Variants in CA12 observed in about 807,000 individuals in gnomAD.
The protein encoded by CA12 is carbonate dehydratase XII.
CA12 carries 36 observed loss-of-function variants against 46.8 expected under a neutral mutation model. The observed-to-expected ratio is 0.77, with a 90% confidence interval of 0.59 to 1.02. The LOEUF is 1.02. Ranked by LOEUF, CA12 falls within the 50% of genes least tolerant of loss-of-function variation. The probability of loss-of-function intolerance (pLI) is 0.00; values close to 1 mark genes in which losing one functional copy is unlikely to be tolerated. For synonymous variants in CA12, 202 were observed against 187.0 expected (o/e 1.08, Z -0.65); for missense variants, 436 against 451.4 (o/e 0.97, Z 0.31).
In CA12 at chr15:63,345,975, A is replaced by G. The variant is rs2152618108; in HGVS notation, c.287-356T>C. On this transcript the variant is annotated intron_variant, in intron 3 of 10. Transcript: ENST00000178638. The surrounding 1 kb of genome is among the most constrained non-coding windows in gnomAD (Gnocchi z 4.3). Reference sequence around the variant, plus strand: ...TACCTTCCAAGCTTTAGAATTATATAGCAACAGCAACGATAACTGCTATTT... The same window carrying G: ...TACCTTCCAAGCTTTAGAATTATATGGCAACAGCAACGATAACTGCTATTT... Among the ~76,000 whole-genome samples, 1 of 152,362 alleles carries G rather than the reference A, an allele frequency of 6.6e-6. No homozygotes were observed. The highest frequency in any genetic ancestry group is 3.4e-3 in the Middle Eastern group (1 of 294).
rs188682950 is a variant in CA12 at position 63,348,771 on chromosome 15, T to A, written c.107-2062A>T. On this transcript the variant is annotated intron_variant, in intron 2 of 10. Coordinates refer to ENST00000178638, the MANE Select transcript of CA12 (RefSeq NM_001218.5). This position sits in a 1 kb window ranked among gnomAD's most constrained non-coding sequence, Gnocchi z 4.6. ...TAGCTAAACGAGAGCCTCGTGAAGATAGGGACCCCTCATCTTCGTCTCTGT... is the reference window on the plus strand; with the variant it reads ...TAGCTAAACGAGAGCCTCGTGAAGAAAGGGACCCCTCATCTTCGTCTCTGT... Among the ~76,000 whole-genome samples the A allele has an allele frequency of 2.0e-5, 3 of 152,236 alleles. No individual in the cohort carries two copies. Among genetic ancestry groups the A allele is most frequent in the Non-Finnish European group, 4.4e-5 (3 of 68,042 alleles).
rs148743820 is a variant in CA12 at position 63,359,738 on chromosome 15, A to G, written c.107-13029T>C. ...GATTGAATCCTGGATCAGAAAAAAA[A>G]TGCTATCAAGGATAGTATGAAGTTT... On this transcript the variant is annotated intron_variant, in intron 2 of 10. Transcript: ENST00000178638. Among the ~76,000 whole-genome samples, 4 of 152,306 alleles carry G rather than the reference A, an allele frequency of 2.6e-5. No individual in the cohort carries two copies. The East Asian group carries it at 7.7e-4, about 29-fold the overall frequency.
intron 2 of CA12, among the ~76,000 whole-genome samples, chr15:63,349,554 T>C (rs1165987889): frequency 6.6e-6 from 1 of 152,144 alleles, no homozygotes; most frequent in Non-Finnish European, 1.5e-5. Flanking sequence ...TGTTATTATA[T>C]TGTAGTAGCT....
rs373216656 is a variant in CA12 at position 63,323,739 on chromosome 15, T to G, written c.*2546A>C. On this transcript the variant is annotated 3_prime_UTR_variant, in exon 11 of 11. Transcript: ENST00000178638. This position sits in a 1 kb window ranked among gnomAD's most constrained non-coding sequence, Gnocchi z 5.1. ...GAGGCTAGTGAAGAGGAGAGGAATG[T>G]AGGGTGAATTTGAAATGTGATTAAT... 6.6e-6 allele frequency: 1 copy of G among 152,444 alleles called. No individual in the cohort carries two copies. Among genetic ancestry groups the G allele is most frequent in the Non-Finnish European group, 1.5e-5 (1 of 68,028 alleles). 9.4% of individuals were successfully genotyped at this position (152,444 alleles called of 1,614,324 possible).
chr15:63,334,786 C>G (rs1015397384), intron 8 of CA12, among the ~76,000 whole-genome samples: 2 of 152,178 alleles, frequency 1.3e-5, no homozygotes, highest in Non-Finnish European at 1.5e-5. Context: ...GTGCACAGTT[C>G]TCTCTCACGC....
At chr15:63,335,301 T>A (rs537629422) in intron 8 of CA12, among the ~76,000 whole-genome samples, 1 of 152,254 alleles carries the variant, frequency 6.6e-6, no homozygotes, top group Admixed American at 6.5e-5. Flanking sequence ...ATAAACCTCT[T>A]AAGGACAGAA....
At chr15:63,351,216 C>T (rs1205903778) in intron 2 of CA12, among the ~76,000 whole-genome samples, 2 of 152,230 alleles carry the variant, frequency 1.3e-5, no homozygotes, top group African/African-American at 2.4e-5. Context: ...CATCTCAGAG[C>T]CAGCTTGGTC....
intron 2 of CA12, among the ~76,000 whole-genome samples, chr15:63,358,132 T>C (rs2039316276): frequency 6.6e-6 from 1 of 152,272 alleles, no homozygotes; most frequent in African/African-American, 2.4e-5. Context: ...GTTAAATTGC[T>C]ATGGATTCTC....
intron 2 of CA12, among the ~76,000 whole-genome samples, chr15:63,367,657 T>C (rs141254454): frequency 2.0e-5 from 3 of 152,306 alleles, no homozygotes; most frequent in African/African-American, 7.2e-5. Flanking sequence ...TAGTCACGAG[T>C]TAATAATTGC....
At position 63,363,916 on chromosome 15, in the gene CA12, G is replaced by T. The variant is rs747483258; in HGVS notation, c.106+11742C>A. Reference sequence around the variant, plus strand: ...AAGAGTGGGAGACTTGGCCGGATGCGGTGGCTCACGCCTGTAATCCTGGCA... The same window carrying T: ...AAGAGTGGGAGACTTGGCCGGATGCTGTGGCTCACGCCTGTAATCCTGGCA... On this transcript the variant is annotated intron_variant, in intron 2 of 10. Coordinates refer to ENST00000178638, the MANE Select transcript of CA12 (RefSeq NM_001218.5). 1.3e-5 allele frequency among the ~76,000 whole-genome samples: 2 copies of T among 152,206 alleles called. 1 individual carries two copies. The highest frequency in any genetic ancestry group is 4.1e-4 in the South Asian group (2 of 4,828).
rs1360026377 is a variant in CA12, at chr15:63,331,262, G to C, written c.875-3132C>G. On this transcript the variant is annotated intron_variant, in intron 8 of 10. Transcript: ENST00000178638. This position sits in a 1 kb window ranked among gnomAD's most constrained non-coding sequence, Gnocchi z 5.3. The stretch of plus-strand genomic sequence containing the variant: ...AACTGTCAGGGCAACCAGAGAACTA[G>C]AACCTGAGTGCGAAGCCAAAGCCTG... Among the ~76,000 whole-genome samples the C allele has an allele frequency of 6.6e-6, 1 of 152,226 alleles. No individual in the cohort carries two copies. The highest frequency in any genetic ancestry group is 1.5e-5 in the Non-Finnish European group (1 of 68,040).
chr15:63,376,557 C>CCTTTCTTTCTTTCTTTCTTGCTTTCTTT (rs2039574616), intron 1 of CA12, among the ~76,000 whole-genome samples: 3 of 104,526 alleles, frequency 2.9e-5, no homozygotes, highest in Non-Finnish European at 5.9e-5. Context: ...CTCTTTCTTT[C>CCTTTCTTTCTTTCTTTCTTGCTTTCTTT]CTTTCTTTCT....
In CA12 at chr15:63,345,381, C is replaced by A. The variant is rs1457764992; in HGVS notation, c.429+96G>T. 42 of 1,514,672 alleles carry A rather than the reference C, an allele frequency of 2.8e-5. No individual in the cohort carries two copies. The Admixed American group carries it at 7.2e-4, about 26-fold the overall frequency. 93.8% of individuals were successfully genotyped at this position (1,514,672 alleles called of 1,614,324 possible). ...GGCAGAGAGCCTGAAGGCAGCCTGT[C>A]CCATGCTCTGGTGTTATCTGCACAG... On this transcript the variant is annotated intron_variant, in intron 4 of 10. Transcript: ENST00000178638. This position sits in a 1 kb window ranked among gnomAD's most constrained non-coding sequence, Gnocchi z 4.3.
intron 2 of CA12, among the ~76,000 whole-genome samples, chr15:63,349,586 C>A (rs532189917): frequency 5.3e-5 from 8 of 152,298 alleles, no homozygotes; most frequent in East Asian, 1.9e-4. Flanking sequence ...AACTCTATAA[C>A]CTTACGGGGT....
At chr15:63,352,889 A>T (rs907172314) in intron 2 of CA12, among the ~76,000 whole-genome samples, 6 of 152,196 alleles carry the variant, frequency 3.9e-5, no homozygotes, top group African/African-American at 1.4e-4. Flanking sequence ...CACATTTAAT[A>T]AGATGGATTG....
At position 63,340,115 on chromosome 15, in the gene CA12, T is replaced by A. The variant is rs1467184244; in HGVS notation, c.747+173A>T. ...TTCATTTGCCTAGCTTGACTTCTTT[T>A]GAAGCTCAGCCTGGAATTTCTGCGG... On this transcript the variant is annotated intron_variant, in intron 7 of 10. Transcript: ENST00000178638. The surrounding 1 kb of genome is among the most constrained non-coding windows in gnomAD (Gnocchi z 4.4). 3 of 769,588 alleles carry A rather than the reference T, an allele frequency of 3.9e-6. No homozygotes were observed. The highest frequency in any genetic ancestry group is 6.6e-6 in the Non-Finnish European group (3 of 454,636). 47.7% of individuals were successfully genotyped at this position (769,588 alleles called of 1,614,324 possible).
intron 2 of CA12, among the ~76,000 whole-genome samples, chr15:63,364,745 C>T (rs2039417384): frequency 6.6e-6 from 1 of 152,234 alleles, no homozygotes; most frequent in Admixed American, 6.5e-5. Context: ...GGCCTGTCCT[C>T]TGTGTTCCCT....
At chr15:63,352,554 G>A (rs2039246538) in intron 2 of CA12, among the ~76,000 whole-genome samples, 1 of 152,188 alleles carries the variant, frequency 6.6e-6, no homozygotes, top group Admixed American at 6.5e-5. Flanking sequence ...ATACTCTGAG[G>A]TGGACCCCCC....
At chr15:63,365,557 T>TG (rs1418256037) in intron 2 of CA12, among the ~76,000 whole-genome samples, 1 of 152,254 alleles carries the variant, frequency 6.6e-6, no homozygotes, top group Non-Finnish European at 1.5e-5. Flanking sequence ...CAATAACGGC[T>TG]GTCTGGGCAC....
Sources: allele counts gnomAD v4.1 joint callset (sites outside exome capture counted in the v4.1 genomes callset), GRCh38; gene constraint gnomAD v4.1.1; non-coding constraint Gnocchi (gnomAD v3.1); transcripts MANE v1.5; gene names NCBI Gene and HGNC (gene_info 2026-07-23, HGNC 2026-07-21).